The following HS3ST3A1 variants were observed in gnomAD, a reference collection of about 807,000 sequenced individuals.
HS3ST3A1 encodes the protein heparan sulfate glucosamine 3-O-sulfotransferase 3A1.
A neutral mutation model predicts 25.7 loss-of-function variants in HS3ST3A1; 19 were observed. That is an observed-to-expected ratio of 0.74 (90% CI 0.52 to 1.08). The LOEUF is 1.08. HS3ST3A1 is among the 50% of genes least tolerant of loss of function. The pLI is 0.00. For synonymous variants in HS3ST3A1, 226 were observed against 278.6 expected, an observed-to-expected ratio of 0.81 and a Z score of 1.88; for missense variants, 459 against 594.3, an observed-to-expected ratio of 0.77 and a Z score of 2.37.
At chr17:13,525,998 C>T (rs139345821) in intron 1 of HS3ST3A1, among the ~76,000 whole-genome samples, 142 of 152,198 alleles carry the variant, frequency 9.3e-4, no homozygotes, top group South Asian at 8.3e-3. Flanking sequence ...AAGCCCCCAG[C>T]TGTACTTGAC....
intron 1 of HS3ST3A1, among the ~76,000 whole-genome samples, chr17:13,597,129 A>G (rs1033271872): frequency 1.3e-5 from 2 of 152,170 alleles, no homozygotes; most frequent in Non-Finnish European, 2.9e-5. Context: ...TGCTAGTGTA[A>G]GAGACTGGAT....
At chr17:13,566,091 A>T (rs1315792296) in intron 1 of HS3ST3A1, among the ~76,000 whole-genome samples, 1 of 152,110 alleles carries the variant, frequency 6.6e-6, no homozygotes, top group Non-Finnish European at 1.5e-5. Context: ...CAGATATTGC[A>T]TTTTTTAAAA....
intron 1 of HS3ST3A1, among the ~76,000 whole-genome samples, chr17:13,572,130 G>T (rs1907832614): frequency 6.6e-6 from 1 of 152,248 alleles, no homozygotes; most frequent in Non-Finnish European, 1.5e-5. Flanking sequence ...TTGCTGGATA[G>T]ATTTATTTTT....
chr17:13,532,960 T>A (rs1251410183), intron 1 of HS3ST3A1, among the ~76,000 whole-genome samples: 2 of 151,324 alleles, frequency 1.3e-5, no homozygotes, highest in East Asian at 3.9e-4. Flanking sequence ...GGAGGAAATA[T>A]AATAGGCTGT....
intron 1 of HS3ST3A1, among the ~76,000 whole-genome samples, chr17:13,580,049 A>G (rs188903582): frequency 6.6e-6 from 1 of 152,090 alleles, no homozygotes; most frequent in East Asian, 1.9e-4. Flanking sequence ...TGCATTTGCC[A>G]TGTCTTGCAT....
intron 1 of HS3ST3A1, among the ~76,000 whole-genome samples, chr17:13,549,975 G>T (rs1003581623): frequency 1.3e-5 from 2 of 152,104 alleles, no homozygotes; most frequent in Non-Finnish European, 1.5e-5. Context: ...TGGAAAGAAG[G>T]TTCCATGGTC....
At chr17:13,590,005 A>G (rs1206921466) in intron 1 of HS3ST3A1, among the ~76,000 whole-genome samples, 5 of 152,212 alleles carry the variant, frequency 3.3e-5, no homozygotes, top group Non-Finnish European at 7.3e-5. Flanking sequence ...TAATCCAAGT[A>G]AGAACTCTGA....
chr17:13,529,509 T>C (rs529838165), intron 1 of HS3ST3A1, among the ~76,000 whole-genome samples: 4 of 152,228 alleles, frequency 2.6e-5, no homozygotes, highest in Non-Finnish European at 5.9e-5. Context: ...TGTGGGTTTT[T>C]CATTAAAATG....
intron 1 of HS3ST3A1, among the ~76,000 whole-genome samples, chr17:13,552,858 A>G (rs1715250919): frequency 2.6e-5 from 4 of 152,156 alleles, no homozygotes; most frequent in Admixed American, 2.6e-4. Flanking sequence ...TTTCCATTGC[A>G]TGCACATTAT....
Position 13,567,809 on chromosome 17 carries a change from G to A in HS3ST3A1, c.599+32722C>T, listed in dbSNP as rs143415173. 3.0e-3 allele frequency among the ~76,000 whole-genome samples: 455 copies of A among 152,296 alleles called. 1 individual carries two copies. Among genetic ancestry groups the A allele is most frequent in the African/African-American group, 0.01 (422 of 41,578 alleles). On this transcript the variant is annotated intron_variant, in intron 1 of 1. Coordinates refer to ENST00000284110, the MANE Select transcript of HS3ST3A1 (RefSeq NM_006042.3). The stretch of plus-strand genomic sequence containing the variant: ...AATGAGTTGCTTCTTATGGATGAAC[G>A]AAGAAAGTGGTTTCTTGAGACGGAA...
chr17:13,579,840 C>T lies in HS3ST3A1; in HGVS notation c.599+20691G>A, dbSNP rs189967354. Among the ~76,000 whole-genome samples, 444 of 145,300 alleles carry T rather than the reference C, an allele frequency of 3.1e-3. 2 individuals are homozygous for T. Among genetic ancestry groups the T allele is most frequent in the African/African-American group, 0.011 (415 of 39,326 alleles). On this transcript the variant is annotated intron_variant, in intron 1 of 1. Transcript: ENST00000284110. ...ACAAAAATTAGTGGGGCCGTGGTGG[C>T]GCTTGCCTGTAATCCCAGTTATTCG...
chr17:13,585,185 G>GCTTTTTTTTT (rs1908219059), intron 1 of HS3ST3A1, among the ~76,000 whole-genome samples: 1 of 50,068 alleles, frequency 2.0e-5, no homozygotes, highest in Non-Finnish European at 4.0e-5. Context: ...ATTTTTCTGT[G>GCTTTTTTTTT]CTTTTTTTTT....
chr17:13,572,744 T>C (rs1335865625), intron 1 of HS3ST3A1, among the ~76,000 whole-genome samples: 1 of 152,226 alleles, frequency 6.6e-6, no homozygotes, highest in African/African-American at 2.4e-5. Context: ...TCAACAGCTA[T>C]TTTCTGAGTT....
At chr17:13,522,853 GACACAC>G (rs374742145) in intron 1 of HS3ST3A1, among the ~76,000 whole-genome samples, 123 of 148,456 alleles carry the variant, frequency 8.3e-4, no homozygotes, top group Non-Finnish European at 1.4e-3. Flanking sequence ...CACACAGAGA[GACACAC>G]ACACACACAC....
chr17:13,524,175 A>AT (rs34162332), intron 1 of HS3ST3A1, among the ~76,000 whole-genome samples: 3 of 152,150 alleles, frequency 2.0e-5, no homozygotes, highest in Non-Finnish European at 4.4e-5. Flanking sequence ...GTATATACAC[A>AT]TTTTACAAAT....
chr17:13,595,655 A>G (rs527905859), intron 1 of HS3ST3A1, among the ~76,000 whole-genome samples: 4 of 152,344 alleles, frequency 2.6e-5, no homozygotes, highest in African/African-American at 7.2e-5. Context: ...GGAGTTTACT[A>G]TCATTAGGAA....
intron 1 of HS3ST3A1, among the ~76,000 whole-genome samples, chr17:13,547,842 C>T (rs1907129022): frequency 6.6e-6 from 1 of 150,470 alleles, no homozygotes; most frequent in Non-Finnish European, 1.5e-5. Context: ...CCCTTAACTC[C>T]AGGGATAGGA....
chr17:13,502,604 A>G (rs1358037222), intron 1 of HS3ST3A1, among the ~76,000 whole-genome samples: 3 of 152,158 alleles, frequency 2.0e-5, no homozygotes, highest in Non-Finnish European at 2.9e-5. Flanking sequence ...TGGAACTGCT[A>G]CTGGCCCTCT....
At chr17:13,560,067 ATCACCTGAGG>A in intron 1 of HS3ST3A1, among the ~76,000 whole-genome samples, 1 of 151,884 alleles carries the variant, frequency 6.6e-6, no homozygotes, top group South Asian at 2.1e-4. Flanking sequence ...AGGCAGGCAG[ATCACCTGAGG>A]TCAGGAGTTC....
Sources: gnomAD v4.1 joint callset for allele counts (sites outside exome capture counted in the v4.1 genomes callset) on GRCh38, gnomAD v4.1.1 for gene constraint, MANE v1.5 for transcripts, NCBI Gene and HGNC (gene_info 2026-07-23, HGNC 2026-07-21) for gene names.